The following MSANTD2 variants were observed in gnomAD, a reference collection of about 807,000 sequenced individuals.
MSANTD2 encodes the protein myb/SANT-like DNA-binding domain-containing protein 2.
A neutral mutation model predicts 52.6 loss-of-function variants in MSANTD2; 19 were observed. That is an observed-to-expected ratio of 0.36 (90% confidence interval 0.25 to 0.53). The LOEUF (loss-of-function observed/expected upper bound fraction) is 0.53. Among genes scored for constraint, MSANTD2 ranks in the 20% least tolerant of loss-of-function variants. MSANTD2 has a pLI of 0.91. For missense variants in MSANTD2, 558 were observed against 716.3 expected (o/e 0.78, Z 2.52); for synonymous variants, 291 against 289.7 (o/e 1.00, Z -0.04).
At chr11:124,784,022 A>T in intron 1 of MSANTD2, 1 of 985,390 alleles carries the variant, frequency 1.0e-6, no homozygotes, top group East Asian at 1.1e-4. Context: ...GTGCTTTTCT[A>T]TTTACAAGAA....
At position 124,800,092 on chromosome 11, in the gene MSANTD2, C is replaced by T; in HGVS notation, c.289G>A (p.Ala97Thr). ...GGGGAAAAAA[A>T]ACRGMSWTPA... ...GTCCACGACATGCCCCGGCAGGCGG[C>T]GGCGGCGGCTGCCGCAGCCCCGCCA... Residue 97 changes from alanine (A) to threonine (T), a missense_variant, in exon 1 of 4, where the codon GCC becomes ACC. Around this residue, in one of 2 missense-constraint regions of MSANTD2, gnomAD observed 150 missense variants for 142.7 expected, o/e 1.05. Coordinates refer to ENST00000374979, the MANE Select transcript of MSANTD2 (RefSeq NM_001308027.2). The surrounding 1 kb of genome is among the most constrained non-coding windows in gnomAD (Gnocchi z 4.3). 1.3e-6 allele frequency: 2 copies of T among 1,485,752 alleles called. No individual in the cohort carries two copies. The highest frequency in any genetic ancestry group is 8.9e-7 in the Non-Finnish European group (1 of 1,127,878). 92.0% of individuals were successfully genotyped at this position (1,485,752 alleles called of 1,614,324 possible).
chr11:124,769,657 T>A (rs1205275296), intron 3 of MSANTD2, among the ~76,000 whole-genome samples: 1 of 152,208 alleles, frequency 6.6e-6, no homozygotes, highest in Non-Finnish European at 1.5e-5. Flanking sequence ...TGACATATAG[T>A]AGGCACTTGA....
At chr11:124,777,828 C>T (rs986598149) in intron 1 of MSANTD2, among the ~76,000 whole-genome samples, 1 of 152,022 alleles carries the variant, frequency 6.6e-6, no homozygotes, top group Non-Finnish European at 1.5e-5. Flanking sequence ...GATATAAATG[C>T]ACTTAAGAGG....
intron 3 of MSANTD2, 62 bp downstream of exon 3, chr11:124,772,932 C>T: frequency 1.9e-6 from 2 of 1,026,016 alleles, no homozygotes; most frequent in Non-Finnish European, 3.1e-6. Context: ...ATTTTCTGAT[C>T]TTCCCAATGG....
chr11:124,790,335 T>G (rs1475225658), intron 1 of MSANTD2: 1 of 152,234 alleles, frequency 6.6e-6, no homozygotes, highest in Non-Finnish European at 1.5e-5. Flanking sequence ...TGGTTTTCCT[T>G]GGGTTCTTAG....
In MSANTD2 at chr11:124,767,244, G is replaced by C. The variant is rs1216637174; in HGVS notation, c.1612C>G (p.Leu538Val). 1.2e-6 allele frequency: 2 copies of C among 1,613,986 alleles called. No homozygotes were observed. Among genetic ancestry groups the C allele is most frequent in the Non-Finnish European group, 1.7e-6 (2 of 1,180,008 alleles). ...IKFVEVERDF[L>V]SAGSLVECLE... The stretch of plus-strand genomic sequence containing the variant: ...CACTCAACTAAAGAGCCTGCGGAAA[G>C]AAAATCCCTCTCTACTTCTACAAAT... The change falls in exon 4 of 4, where the codon CTT becomes GTT. Residue 538 changes from leucine (L) to valine (V), a missense_variant. Physicochemically the swap from Leu to Val is conservative, Grantham distance 32. Transcript: ENST00000374979. The surrounding 1 kb of genome is among the most constrained non-coding windows in gnomAD (Gnocchi z 6.5).
At chr11:124,798,861 G>GT (rs1332091109) in intron 1 of MSANTD2, among the ~76,000 whole-genome samples, 1 of 152,032 alleles carries the variant, frequency 6.6e-6, no homozygotes, top group African/African-American at 2.4e-5. Flanking sequence ...AGGATAAGTA[G>GT]TTCAGTAAAA....
chr11:124,779,199 G>T lies in MSANTD2; in HGVS notation c.511-4225C>A, dbSNP rs1944857027. ...GGCAAATAAAATATTGAAAGGCTTG[G>T]AAAATAAGATCTATAAGCAGGGACA... is the stretch of plus-strand genomic sequence containing the variant. On this transcript the variant is annotated intron_variant, in intron 1 of 3. Transcript: ENST00000374979. This position sits in a 1 kb window ranked among gnomAD's most constrained non-coding sequence, Gnocchi z 4.6. The T allele has an allele frequency of 6.6e-6, 1 of 152,190 alleles. No individual in the cohort carries two copies. Among genetic ancestry groups the T allele is most frequent in the South Asian group, 2.1e-4 (1 of 4,830 alleles). 9.4% of individuals were successfully genotyped at this position (152,190 alleles called of 1,614,324 possible).
Position 124,767,420 on chromosome 11 carries a change from A to C in MSANTD2, c.1436T>G (p.Ile479Ser), listed in dbSNP as rs1251217703. 1 of 1,614,110 alleles carries C rather than the reference A, an allele frequency of 6.2e-7. No individual in the cohort carries two copies. Among genetic ancestry groups the C allele is most frequent in the East Asian group, 2.2e-5 (1 of 44,900 alleles). The change falls in exon 4 of 4, where the codon ATT becomes AGT. Residue 479 changes from isoleucine (I) to serine (S), a missense_variant. Ile to Ser is a moderately radical substitution (Grantham distance 142). This residue lies in a region of MSANTD2 where 408 missense variants were observed against 573.6 expected (regional missense o/e 0.71). Coordinates refer to ENST00000374979, the MANE Select transcript of MSANTD2 (RefSeq NM_001308027.2). The surrounding 1 kb of genome is among the most constrained non-coding windows in gnomAD (Gnocchi z 6.5). ...PTRIIYCYLG[I>S]AEVRTLQQCL... is the part of the protein sequence containing the mutation. ...CTGCTGTAGAGTCCTGACCTCAGCA[A>C]TCCCGAGGTAGCAATAGATAATTCG...
At chr11:124,797,126 T>C (rs185626916) in intron 1 of MSANTD2, among the ~76,000 whole-genome samples, 1 of 152,342 alleles carries the variant, frequency 6.6e-6, no homozygotes, top group East Asian at 1.9e-4. Context: ...AGCAGTATTA[T>C]TGAATAATAC....
intron 1 of MSANTD2, chr11:124,791,809 G>A (rs1418206122): frequency 2.6e-5 from 14 of 536,322 alleles, no homozygotes; most frequent in Non-Finnish European, 4.1e-5. Flanking sequence ...CCCCGCCAGG[G>A]GCAGGTATTG....
chr11:124,773,152 C>A, intron 2 of MSANTD2, 98 bp from the exon 3 acceptor site: 1 of 694,786 alleles, frequency 1.4e-6, no homozygotes. Flanking sequence ...TCCATACTTT[C>A]CAAAACCAGG....
chr11:124,789,825 A>C (rs1945274083), intron 1 of MSANTD2: 1 of 152,210 alleles, frequency 6.6e-6, no homozygotes, highest in African/African-American at 2.4e-5. Context: ...AGAGGCACAG[A>C]TCCACTAAGC....
intron 1 of MSANTD2, among the ~76,000 whole-genome samples, chr11:124,786,816 A>G (rs1438750647): frequency 1.3e-5 from 2 of 152,220 alleles, no homozygotes; most frequent in Non-Finnish European, 2.9e-5. Flanking sequence ...TTGGTATCGT[A>G]TTTATGAATG....
intron 1 of MSANTD2, chr11:124,790,548 A>T (rs2135265822): frequency 6.6e-6 from 1 of 152,368 alleles, no homozygotes; most frequent in Middle Eastern, 3.4e-3. Context: ...TTGTGTCTCC[A>T]TCTTCGTTAC....
At chr11:124,787,244 C>T (rs560480869) in intron 1 of MSANTD2, among the ~76,000 whole-genome samples, 74 of 152,278 alleles carry the variant, frequency 4.9e-4, no homozygotes, top group African/African-American at 1.4e-3. Flanking sequence ...AGGCGCAACA[C>T]GGGTAGGAAT....
intron 1 of MSANTD2, among the ~76,000 whole-genome samples, chr11:124,787,922 C>G (rs1056131159): frequency 3.3e-5 from 5 of 151,880 alleles, no homozygotes; most frequent in African/African-American, 1.2e-4. Flanking sequence ...GGCAAAACCC[C>G]ATCTCTACAA....
rs180730970 is a variant in MSANTD2 at position 124,771,049 on chromosome 11, G to A, written c.827+1945C>T. Among the ~76,000 whole-genome samples the A allele has an allele frequency of 1.2e-3, 175 of 152,154 alleles. 3 individuals are homozygous for A. In the South Asian group the frequency reaches 0.017, roughly 15 times the overall value. ...ACCCAGCCTAATTTTTGTATTTTTA[G>A]TAGAGACAGGGTTTCACCATGTTGG... On this transcript the variant is annotated intron_variant, in intron 3 of 3. Transcript: ENST00000374979.
chr11:124,788,081 C>CAAAAA (rs113281012), intron 1 of MSANTD2, among the ~76,000 whole-genome samples: 2 of 107,594 alleles, frequency 1.9e-5, no homozygotes, highest in Admixed American at 9.7e-5. Context: ...GACCCTGTCT[C>CAAAAA]AAAAAAAAAA....
Sources: allele counts gnomAD v4.1 joint callset (sites outside exome capture counted in the v4.1 genomes callset), GRCh38; gene constraint gnomAD v4.1.1; regional missense constraint gnomAD v4.1.1; non-coding constraint Gnocchi (gnomAD v3.1); transcripts MANE v1.5; gene names NCBI Gene and HGNC (gene_info 2026-07-23, HGNC 2026-07-21).